PARN: variants seen among roughly 807,000 people sequenced by gnomAD.
The protein encoded by PARN is poly(A)-specific ribonuclease, also known as poly(A)-specific ribonuclease PARN.
Under a neutral mutation model 102.8 loss-of-function variants are expected in PARN, and 71 were observed. That is an observed-to-expected ratio of 0.69 (90% CI 0.57 to 0.84). The LOEUF is 0.84. Ranked by LOEUF, PARN falls within the 40% of genes least tolerant of loss-of-function variation. PARN has a pLI of 0.00. For synonymous variants in PARN, 261 were observed against 252.9 expected (o/e 1.03, Z -0.30); for missense variants, 782 against 760.9 (o/e 1.03, Z -0.33).
intron 18 of PARN, among the ~76,000 whole-genome samples, chr16:14,559,237 T>A (rs914852707): frequency 7.2e-5 from 11 of 151,812 alleles, no homozygotes; most frequent in Non-Finnish European, 1.5e-4. Context: ...GTTTTTTTTT[T>A]ATTTCTTTAT....
chr16:14,562,341 C>T (rs1444644968), intron 18 of PARN, among the ~76,000 whole-genome samples: 5 of 149,538 alleles, frequency 3.3e-5, no homozygotes, highest in Non-Finnish European at 5.9e-5. Context: ...GCCTGTAGTC[C>T]GAGCTACTTG....
At chr16:14,553,189 G>A (rs755073125) in intron 20 of PARN, among the ~76,000 whole-genome samples, 5 of 149,682 alleles carry the variant, frequency 3.3e-5, no homozygotes, top group African/African-American at 4.9e-5. Flanking sequence ...AGTCCGAGGC[G>A]GGAGGATCAC....
chr16:14,505,569 C>A (rs1048223705), intron 21 of PARN, among the ~76,000 whole-genome samples: 4 of 151,978 alleles, frequency 2.6e-5, no homozygotes, highest in Non-Finnish European at 5.9e-5. Context: ...CAGGATTAAT[C>A]TAAGCATCAT....
intron 21 of PARN, among the ~76,000 whole-genome samples, chr16:14,505,338 A>G (rs949372332): frequency 6.6e-6 from 1 of 152,256 alleles, no homozygotes; most frequent in African/African-American, 2.4e-5. Context: ...ATAGCTGGGC[A>G]CAGTGGCGCA....
intron 22 of PARN, among the ~76,000 whole-genome samples, chr16:14,463,952 G>C (rs1962165431): frequency 6.6e-6 from 1 of 150,810 alleles, no homozygotes. Context: ...TCCCACTTCA[G>C]CCACCCTAGT....
chr16:14,610,828 A>C lies in PARN; in HGVS notation c.389-19T>G. The C allele has an allele frequency of 6.5e-7, 1 of 1,544,556 alleles. No individual in the cohort carries two copies. The highest frequency in any genetic ancestry group is 8.9e-7 in the Non-Finnish European group (1 of 1,118,092). ...GGAATTCCTAAACACGATTTTAAAA[A>C]GAATGCATTAGCAGAAGTAACTGTC... On this transcript the variant is annotated intron_variant, in intron 6 of 23. Coordinates refer to ENST00000437198, the MANE Select transcript of PARN (RefSeq NM_002582.4).
chr16:14,502,481 T>A (rs572115773), intron 21 of PARN, among the ~76,000 whole-genome samples: 1 of 152,164 alleles, frequency 6.6e-6, no homozygotes, highest in East Asian at 1.9e-4. Context: ...ACAAGAAGAG[T>A]GTGAAAGTTG....
chr16:14,568,315 C>T (rs985239287), intron 18 of PARN, among the ~76,000 whole-genome samples: 1 of 150,654 alleles, frequency 6.6e-6, no homozygotes, highest in Non-Finnish European at 1.5e-5. Flanking sequence ...CGGGTTCAAG[C>T]GATTCTTCCG....
In PARN at chr16:14,616,915, G is replaced by A. The variant is rs1407270269; in HGVS notation, c.388+675C>T. On this transcript the variant is annotated intron_variant, in intron 6 of 23. Transcript: ENST00000437198. Reference sequence around the variant, plus strand: ...CTCTTGTTACACTGGAAGAAAACAAGGAAGCACTCCCCACAGGTGGTGAGT... The same window carrying A: ...CTCTTGTTACACTGGAAGAAAACAAAGAAGCACTCCCCACAGGTGGTGAGT... 2.0e-5 allele frequency among the ~76,000 whole-genome samples: 3 copies of A among 152,100 alleles called. No individual in the cohort carries two copies. In the East Asian group the frequency reaches 5.8e-4, roughly 29 times the overall value.
At chr16:14,455,049 T>C (rs1961619399) in intron 22 of PARN, among the ~76,000 whole-genome samples, 1 of 152,210 alleles carries the variant, frequency 6.6e-6, no homozygotes, top group Non-Finnish European at 1.5e-5. Flanking sequence ...ACCAAATGAA[T>C]GCCAAATATC....
intron 21 of PARN, among the ~76,000 whole-genome samples, chr16:14,495,022 G>T (rs1231265936): frequency 6.6e-6 from 1 of 152,134 alleles, no homozygotes; most frequent in Non-Finnish European, 1.5e-5. Context: ...GAGAAAGAAT[G>T]GAATTGCTGA....
intron 18 of PARN, among the ~76,000 whole-genome samples, chr16:14,572,023 T>C (rs940962872): frequency 2.6e-5 from 4 of 152,216 alleles, no homozygotes; most frequent in African/African-American, 9.6e-5. Context: ...ACAATAAAGC[T>C]ATGTTAAAAC....
chr16:14,447,407 A>C (rs1025002113), intron 22 of PARN, among the ~76,000 whole-genome samples: 3 of 152,234 alleles, frequency 2.0e-5, no homozygotes, highest in African/African-American at 7.2e-5. Context: ...GTAGAATAGA[A>C]TAGTAGAGAT....
At chr16:14,538,435 G>C (rs926538926) in intron 21 of PARN, among the ~76,000 whole-genome samples, 2 of 151,794 alleles carry the variant, frequency 1.3e-5, no homozygotes, top group African/African-American at 4.8e-5. Flanking sequence ...GACCAGGCTG[G>C]TCTCAAACTC....
At chr16:14,543,976 C>T (rs1966857496) in intron 21 of PARN, among the ~76,000 whole-genome samples, 1 of 152,180 alleles carries the variant, frequency 6.6e-6, no homozygotes, top group Non-Finnish European at 1.5e-5. Context: ...GGGAAGATCA[C>T]CTGAGGTCGG....
intron 5 of PARN, among the ~76,000 whole-genome samples, chr16:14,621,396 A>C (rs1352200771): frequency 6.6e-6 from 1 of 152,234 alleles, no homozygotes; most frequent in East Asian, 1.9e-4. Context: ...TTTTCTAATC[A>C]AAACAACACT....
At position 14,480,841 on chromosome 16, in the gene PARN, G is replaced by A. The variant is rs1046276380; in HGVS notation, c.1670+1797C>T. ...CTGTAGTCGCAGCTTCTCGGGAAGC[G>A]GAGGCCCGTGAATCACTTAATCCCA... On this transcript the variant is annotated intron_variant, in intron 22 of 23. Transcript: ENST00000437198. Among the ~76,000 whole-genome samples, 9 of 152,054 alleles carry A rather than the reference G, an allele frequency of 5.9e-5. 1 individual carries two copies. In the South Asian group the frequency reaches 1.0e-3, roughly 18 times the overall value.
At chr16:14,593,404 A>G in intron 12 of PARN, 26 bp from the exon 13 acceptor site, 1 of 1,244,914 alleles carries the variant, frequency 8.0e-7, no homozygotes. Context: ...GTTAGAAAAA[A>G]GACTTCTACA....
intron 21 of PARN, among the ~76,000 whole-genome samples, chr16:14,549,420 C>T (rs1190250638): frequency 1.3e-5 from 2 of 152,110 alleles, no homozygotes; most frequent in Admixed American, 6.5e-5. Context: ...CAACACTGCC[C>T]TCAGGAAACC....
Sources: allele counts gnomAD v4.1 joint callset (sites outside exome capture counted in the v4.1 genomes callset), GRCh38; gene constraint gnomAD v4.1.1; transcripts MANE v1.5; gene names NCBI Gene and HGNC (gene_info 2026-07-23, HGNC 2026-07-21).